The following SLC25A40 variants were observed in gnomAD, a reference collection of about 807,000 sequenced individuals.
SLC25A40 encodes solute carrier family 25 member 40, also known as mitochondrial glutathione transporter SLC25A40.
Under a neutral mutation model 46.5 loss-of-function variants are expected in SLC25A40, and 41 were observed. That is an observed-to-expected ratio of 0.88 (90% CI 0.69 to 1.14). The LOEUF (loss-of-function observed/expected upper bound fraction) is 1.14, where lower values mean the gene tolerates loss of function less well. SLC25A40 is among the 50% of genes most tolerant of loss of function. The pLI, the probability that SLC25A40 is intolerant of heterozygous loss-of-function variation, is 0.00. For missense variants in SLC25A40, 386 were observed against 393.6 expected, an observed-to-expected ratio of 0.98 and a Z score of 0.16; for synonymous variants, 126 against 127.5, an observed-to-expected ratio of 0.99 and a Z score of 0.08.
intron 8 of SLC25A40, among the ~76,000 whole-genome samples, chr7:87,845,191 C>A (rs1032901341): frequency 7.2e-5 from 11 of 152,100 alleles, no homozygotes; most frequent in African/African-American, 2.7e-4. Flanking sequence ...CATTAACCAG[C>A]GAAACAGATC....
chr7:87,864,261 G>C (rs1372670720), intron 1 of SLC25A40, among the ~76,000 whole-genome samples: 1 of 152,184 alleles, frequency 6.6e-6, no homozygotes, highest in Non-Finnish European at 1.5e-5. Flanking sequence ...GGGTGGATGT[G>C]ATAATTTAAT....
rs1430343597 is a variant in SLC25A40, at chr7:87,849,895, G to A, written c.318C>T (p.Gly106=). 24 of 1,595,028 alleles carry A rather than the reference G, an allele frequency of 1.5e-5. No homozygotes were observed. The highest frequency in any genetic ancestry group is 6.9e-5 in the South Asian group (6 of 86,614). Residue 106 remains glycine, a synonymous_variant, in exon 6 of 12, where the codon GGC becomes GGT. Coordinates refer to ENST00000341119, the MANE Select transcript of SLC25A40 (RefSeq NM_018843.4). ...TTTCAACTTACAGGGTAGGAGGAAG[G>A]CCACTCCATAGAGATTTAATGCCCT... ...RNEGIKSLWS[G]LPPTLVMAVP...
At chr7:87,873,261 T>C (rs1838922438) in intron 1 of SLC25A40, among the ~76,000 whole-genome samples, 1 of 152,092 alleles carries the variant, frequency 6.6e-6, no homozygotes, top group South Asian at 2.1e-4. Flanking sequence ...TGATAAGTAC[T>C]ACAAAATTAA....
intron 5 of SLC25A40, among the ~76,000 whole-genome samples, chr7:87,853,001 A>C (rs1037917492): frequency 3.9e-5 from 6 of 152,226 alleles, no homozygotes; most frequent in Admixed American, 3.9e-4. Context: ...ATTTTGTAAA[A>C]ATTAAAAAGT....
intron 1 of SLC25A40, among the ~76,000 whole-genome samples, chr7:87,868,818 A>C (rs1838847722): frequency 6.6e-6 from 1 of 152,134 alleles, no homozygotes; most frequent in Admixed American, 6.6e-5. Context: ...CTACTTAATT[A>C]AACCACTGGT....
chr7:87,845,358 G>A (rs1040863927), intron 8 of SLC25A40, among the ~76,000 whole-genome samples: 12 of 152,078 alleles, frequency 7.9e-5, no homozygotes, highest in Admixed American at 1.3e-4. Context: ...GGAGGTGAGC[G>A]GCGGGTGAGT....
At chr7:87,854,549 G>A (rs979594873) in intron 4 of SLC25A40, among the ~76,000 whole-genome samples, 1 of 152,020 alleles carries the variant, frequency 6.6e-6, no homozygotes, top group African/African-American at 2.4e-5. Context: ...TGTATATTAG[G>A]CCGGTGTAAT....
chr7:87,862,958 T>C (rs1838731104), intron 1 of SLC25A40, among the ~76,000 whole-genome samples: 1 of 152,108 alleles, frequency 6.6e-6, no homozygotes, highest in Non-Finnish European at 1.5e-5. Flanking sequence ...TCCCACAATA[T>C]GTGGGGACTG....
At chr7:87,840,982 A>G (rs948917014) in intron 10 of SLC25A40, among the ~76,000 whole-genome samples, 30 of 151,718 alleles carry the variant, frequency 2.0e-4, no homozygotes, top group African/African-American at 7.3e-4. Flanking sequence ...TTGGTTTGCT[A>G]CACTTTCTAA....
chr7:87,852,398 T>C (rs886275280), intron 5 of SLC25A40, among the ~76,000 whole-genome samples: 4 of 151,914 alleles, frequency 2.6e-5, no homozygotes, highest in Non-Finnish European at 5.9e-5. Flanking sequence ...CTGGGCAACA[T>C]AGTGAGACCC....
chr7:87,874,894 C>G (rs1447306546), intron 1 of SLC25A40, among the ~76,000 whole-genome samples: 1 of 152,222 alleles, frequency 6.6e-6, no homozygotes, highest in African/African-American at 2.4e-5. Flanking sequence ...AATCAATTCT[C>G]TTATTTCACA....
chr7:87,866,596 GA>G (rs1838803032), intron 1 of SLC25A40, among the ~76,000 whole-genome samples: 1 of 152,196 alleles, frequency 6.6e-6, no homozygotes, highest in South Asian at 2.1e-4. Flanking sequence ...CCTCTGAGGA[GA>G]AACGTCTCCT....
intron 5 of SLC25A40, among the ~76,000 whole-genome samples, chr7:87,853,529 A>C (rs1219681451): frequency 3.3e-5 from 5 of 152,348 alleles, no homozygotes; most frequent in African/African-American, 1.2e-4. Flanking sequence ...CATAATAGCC[A>C]AAATCTGGAA....
intron 1 of SLC25A40, among the ~76,000 whole-genome samples, chr7:87,874,238 G>T (rs1184706305): frequency 1.3e-5 from 2 of 152,080 alleles, no homozygotes; most frequent in African/African-American, 4.8e-5. Flanking sequence ...ACCGCATAGG[G>T]TGCAACTATG....
intron 6 of SLC25A40, among the ~76,000 whole-genome samples, chr7:87,849,321 T>C (rs1365476768): frequency 1.3e-5 from 2 of 152,124 alleles, no homozygotes; most frequent in Non-Finnish European, 2.9e-5. Flanking sequence ...TATTCCCCAT[T>C]AGAAGGTTTT....
chr7:87,833,883 A>ACAT lies in SLC25A40; in HGVS notation c.*2363_*2365dup, dbSNP rs1481148996. ...GTTCCAAGAGGGAAAAATTTAAAAA[A>ACAT]CATATGCAGTTAAATAACCATAATG... On this transcript the variant is annotated 3_prime_UTR_variant, in exon 12 of 12. Coordinates refer to ENST00000341119, the MANE Select transcript of SLC25A40 (RefSeq NM_018843.4). 6.6e-6 allele frequency: 1 copy of ACAT among 151,952 alleles called. No individual in the cohort carries two copies. Among genetic ancestry groups the ACAT allele is most frequent in the East Asian group, 1.9e-4 (1 of 5,186 alleles). The allele number at this position is 151,952 out of a possible 1,614,324, so 9.4% of individuals were successfully genotyped here. A position where few individuals can be genotyped will look rare whatever the true frequency, so the allele number is the denominator to read the frequency against.
Position 87,836,083 on chromosome 7 carries a change from A to C in SLC25A40, c.*166T>G. 2.1e-6 allele frequency: 1 copy of C among 477,196 alleles called. No homozygotes were observed. Among genetic ancestry groups the C allele is most frequent in the Admixed American group, 4.3e-5 (1 of 23,496 alleles). The allele number at this position is 477,196 out of a possible 1,614,324, so 29.6% of individuals were successfully genotyped here. A position where few individuals can be genotyped will look rare whatever the true frequency, so the allele number is the denominator to read the frequency against. ...TCAATATCACCAAAAATAAGATAAA[A>C]TTTATTTTAAAATTATGATTTAGAG... On this transcript the variant is annotated 3_prime_UTR_variant, in exon 12 of 12. Coordinates refer to ENST00000341119, the MANE Select transcript of SLC25A40 (RefSeq NM_018843.4).
rs767977602 is a variant in SLC25A40 at position 87,847,119 on chromosome 7, C to T, written c.461G>A (p.Gly154Asp). The T allele has an allele frequency of 1.3e-6, 2 of 1,586,462 alleles. No homozygotes were observed. The highest frequency in any genetic ancestry group is 2.3e-5 in the South Asian group (2 of 87,770). Residue 154 changes from glycine (G) to aspartate (D), a missense_variant, in exon 8 of 12, where the codon GGT becomes GAT. By Grantham distance (94) the Gly-to-Asp change is moderately conservative. Coordinates refer to ENST00000341119, the MANE Select transcript of SLC25A40 (RefSeq NM_018843.4). ...PIVAGIVARF[G>D]AVTVISPLEL... ...TAGTGGACTTATCACAGTTACTGCA[C>T]CAACTAATACAAACAAGTTAAAAAA...
At chr7:87,866,662 A>C (rs556330138) in intron 1 of SLC25A40, among the ~76,000 whole-genome samples, 1 of 152,308 alleles carries the variant, frequency 6.6e-6, no homozygotes, top group African/African-American at 2.4e-5. Flanking sequence ...GGCATTCCAC[A>C]GGTTGCTCAG....
Sources: allele counts gnomAD v4.1 joint callset (sites outside exome capture counted in the v4.1 genomes callset), GRCh38; gene constraint gnomAD v4.1.1; transcripts MANE v1.5; gene names NCBI Gene and HGNC (gene_info 2026-07-23, HGNC 2026-07-21).